The following RGS5 variants were observed in gnomAD, a reference collection of about 807,000 sequenced individuals.
The protein encoded by RGS5 is regulator of G protein signaling 5.
A neutral mutation model predicts 18.9 loss-of-function variants in RGS5; 20 were observed. The observed-to-expected ratio is 1.06, with a 90% confidence interval of 0.74 to 1.54. The LOEUF (loss-of-function observed/expected upper bound fraction) is 1.54. RGS5 is among the 40% of genes most tolerant of loss of function. The pLI is 0.00. For missense variants in RGS5, 201 were observed against 211.8 expected, an observed-to-expected ratio of 0.95 and a Z score of 0.32; for synonymous variants, 57 against 76.2, an observed-to-expected ratio of 0.75 and a Z score of 1.31.
At chr1:163,281,762 C>T (rs1015673593) in intron 2 of RGS5, among the ~76,000 whole-genome samples, 3 of 152,140 alleles carry the variant, frequency 2.0e-5, no homozygotes, top group African/African-American at 4.8e-5. Context: ...CCAAATAAAT[C>T]CATGTTTGTA....
At chr1:163,227,853 G>C (rs1017993742) in intron 2 of RGS5, among the ~76,000 whole-genome samples, 3 of 152,212 alleles carry the variant, frequency 2.0e-5, no homozygotes, top group African/African-American at 7.2e-5. Flanking sequence ...CAATCCCCAT[G>C]TAAGTCCGAA....
chr1:163,169,183 G>C (rs1658192911), intron 1 of RGS5, among the ~76,000 whole-genome samples: 1 of 152,072 alleles, frequency 6.6e-6, no homozygotes, highest in Admixed American at 6.6e-5. Flanking sequence ...CCCTACAAAG[G>C]ACATGAACTC....
At chr1:163,309,695 CTATTA>C (rs778946549) in intron 1 of RGS5, among the ~76,000 whole-genome samples, 95 of 152,218 alleles carry the variant, frequency 6.2e-4, no homozygotes, top group Non-Finnish European at 1.0e-3. Flanking sequence ...TTCCAAATTC[CTATTA>C]TAATAAATTG....
chr1:163,231,088 T>C (rs1647469403), intron 2 of RGS5, among the ~76,000 whole-genome samples: 1 of 152,204 alleles, frequency 6.6e-6, no homozygotes, highest in African/African-American at 2.4e-5. Context: ...TGAGAGAAAC[T>C]GCATGCATGT....
At chr1:163,176,001 T>A (rs1321865965) in intron 1 of RGS5, among the ~76,000 whole-genome samples, 1 of 152,198 alleles carries the variant, frequency 6.6e-6, no homozygotes, top group Non-Finnish European at 1.5e-5. Flanking sequence ...ATATTAGTGA[T>A]TAATTACATA....
chr1:163,207,048 A>G (rs1403089159), upstream of RGS5, among the ~76,000 whole-genome samples: 1 of 152,206 alleles, frequency 6.6e-6, no homozygotes, highest in East Asian at 1.9e-4. Flanking sequence ...AACACTTCAT[A>G]TATTTACACA....
At chr1:163,187,745 T>C (rs912386268) in intron 1 of RGS5, among the ~76,000 whole-genome samples, 1 of 152,134 alleles carries the variant, frequency 6.6e-6, no homozygotes, top group Non-Finnish European at 1.5e-5. Flanking sequence ...ATATCCTTTA[T>C]AATAAACCAG....
At chr1:163,290,646 C>T (rs1649258771) in intron 2 of RGS5, among the ~76,000 whole-genome samples, 1 of 130,982 alleles carries the variant, frequency 7.6e-6, no homozygotes, top group African/African-American at 3.0e-5. Flanking sequence ...ACATGTGCAG[C>T]TCATACCAAA....
upstream of RGS5, among the ~76,000 whole-genome samples, chr1:163,204,790 T>C (rs115772759): frequency 5.0e-3 from 760 of 152,202 alleles, 5 homozygotes; most frequent in Non-Finnish European, 6.8e-3. Context: ...ATAAAACAAG[T>C]AGAAGAGACT....
At chr1:163,151,667 C>T (rs1214754834) in intron 4 of RGS5, among the ~76,000 whole-genome samples, 1 of 152,182 alleles carries the variant, frequency 6.6e-6, no homozygotes, top group Non-Finnish European at 1.5e-5. Context: ...TCTCCTGCCA[C>T]CCTGTGAAGA....
At chr1:163,299,863 C>G (rs899327749) in intron 2 of RGS5, among the ~76,000 whole-genome samples, 1 of 152,178 alleles carries the variant, frequency 6.6e-6, no homozygotes, top group African/African-American at 2.4e-5. Flanking sequence ...ACCAATGGTG[C>G]CCCCAGTGTT....
intron 1 of RGS5, among the ~76,000 whole-genome samples, chr1:163,208,347 CAAAAA>C (rs55848330): frequency 2.6e-5 from 1 of 37,894 alleles, no homozygotes; most frequent in Non-Finnish European, 5.7e-5. Flanking sequence ...GACTCCGTCT[CAAAAA>C]AAAAAAAAAA....
At chr1:163,293,463 C>A (rs1649346508) in intron 2 of RGS5, among the ~76,000 whole-genome samples, 3 of 152,156 alleles carry the variant, frequency 2.0e-5, no homozygotes, top group African/African-American at 7.2e-5. Flanking sequence ...AAAGGGGAAA[C>A]TGTCCCCATG....
At position 163,227,066 on chromosome 1, in the gene RGS5, T is replaced by A. The variant is rs528649378; in HGVS notation, c.-280-58698A>T. Among the ~76,000 whole-genome samples, 217 of 152,350 alleles carry A rather than the reference T, an allele frequency of 1.4e-3. 3 individuals are homozygous for A. The highest frequency in any genetic ancestry group is 1.3e-4 in the Non-Finnish European group (9 of 68,034). On this transcript the variant is annotated intron_variant, in intron 2 of 5. Coordinates refer to the RGS5 transcript ENST00000618415. ...TTTCACTTGAGTTAATGATTTAGCC[T>A]CTTAAATGTTTGCCATTCCTACACA... is the stretch of plus-strand genomic sequence containing the variant.
chr1:163,185,775 C>A (rs1382340476), intron 1 of RGS5, among the ~76,000 whole-genome samples: 1 of 152,224 alleles, frequency 6.6e-6, no homozygotes, highest in East Asian at 1.9e-4. Flanking sequence ...CTGCATGGTT[C>A]ACTCAACACA....
At chr1:163,254,644 T>C (rs1319453909) in intron 2 of RGS5, among the ~76,000 whole-genome samples, 2 of 152,212 alleles carry the variant, frequency 1.3e-5, no homozygotes, top group Non-Finnish European at 2.9e-5. Context: ...AGAAGAACTT[T>C]AGTTTAATTA....
chr1:163,253,028 A>C (rs1164801797), intron 2 of RGS5, among the ~76,000 whole-genome samples: 3 of 152,180 alleles, frequency 2.0e-5, no homozygotes, highest in Non-Finnish European at 4.4e-5. Context: ...CAGGATACTG[A>C]TTGGGAACAC....
upstream of RGS5, among the ~76,000 whole-genome samples, chr1:163,221,046 T>C (rs919282426): frequency 2.0e-5 from 3 of 152,194 alleles, no homozygotes; most frequent in African/African-American, 7.2e-5. Context: ...ATAGCAATAG[T>C]AGGAAGCTAA....
chr1:163,195,163 G>T (rs1659512497), intron 1 of RGS5, among the ~76,000 whole-genome samples: 1 of 152,180 alleles, frequency 6.6e-6, no homozygotes, highest in African/African-American at 2.4e-5. Context: ...ATTTGCAGTT[G>T]CAAAGATATA....
Sources: gnomAD v4.1 joint callset for allele counts (sites outside exome capture counted in the v4.1 genomes callset) on GRCh38, gnomAD v4.1.1 for gene constraint, MANE v1.5 for transcripts, NCBI Gene and HGNC (gene_info 2026-07-23, HGNC 2026-07-21) for gene names.